Variants in TMEM131 observed in about 807,000 individuals in gnomAD.
TMEM131 encodes 2610524E03Rik.
TMEM131 carries 66 observed loss-of-function variants against 211.6 expected under a neutral mutation model. That is an observed-to-expected ratio of 0.31 (90% confidence interval 0.26 to 0.38). The LOEUF (loss-of-function observed/expected upper bound fraction) is 0.38. TMEM131 is among the 10% of genes least tolerant of loss of function. TMEM131 has a pLI of 1.00. For missense variants in TMEM131, 2,036 were observed against 2,299.3 expected, an observed-to-expected ratio of 0.89 and a Z score of 2.34; for synonymous variants, 844 against 841.3, an observed-to-expected ratio of 1.00 and a Z score of -0.06.
intron 40 of TMEM131, among the ~76,000 whole-genome samples, chr2:97,757,688 A>G (rs1559338140): frequency 6.6e-6 from 1 of 152,192 alleles, no homozygotes; most frequent in East Asian, 1.9e-4. Flanking sequence ...GGCACTAGCC[A>G]TCATGCCGGC....
At chr2:97,986,815 C>T (rs1041857990) in intron 1 of TMEM131, among the ~76,000 whole-genome samples, 3 of 152,202 alleles carry the variant, frequency 2.0e-5, no homozygotes, top group Admixed American at 6.5e-5. Context: ...GGTCCAATTT[C>T]GCCCAAAGGT....
chr2:97,814,559 T>A (rs1681726698), intron 13 of TMEM131, among the ~76,000 whole-genome samples, 171 bp from the exon 14 acceptor site: 1 of 152,202 alleles, frequency 6.6e-6, no homozygotes, highest in African/African-American at 2.4e-5. Context: ...AAACAAAATT[T>A]AGCTTGCAAA....
chr2:97,795,918 C>T (rs925899839), intron 28 of TMEM131, among the ~76,000 whole-genome samples: 2 of 152,240 alleles, frequency 1.3e-5, no homozygotes, highest in Admixed American at 6.5e-5. Flanking sequence ...TTTGCTTTAA[C>T]GTAACCCTGA....
At chr2:97,983,241 A>G (rs754898191) in intron 1 of TMEM131, among the ~76,000 whole-genome samples, 6 of 152,192 alleles carry the variant, frequency 3.9e-5, no homozygotes, top group Non-Finnish European at 5.9e-5. Context: ...GGTCTCAGAC[A>G]GTAACAGTAG....
chr2:97,814,516 C>T lies in TMEM131; in HGVS notation c.1293-128G>A, dbSNP rs570764602. ...TAGGGATTGTATTAAAGATTTAGAA[C>T]TATAATATTTTAGTGATTGACTATA... is the stretch of plus-strand genomic sequence containing the variant. On this transcript the variant is annotated intron_variant, in intron 13 of 40. Transcript: ENST00000186436. The T allele has an allele frequency of 7.3e-6, 7 of 960,756 alleles. No individual in the cohort carries two copies. In the African/African-American group the frequency reaches 1.2e-4, roughly 16 times the overall value. The allele number at this position is 960,756 out of a possible 1,614,324, so 59.5% of individuals were successfully genotyped here. A position where few individuals can be genotyped will look rare whatever the true frequency, so the allele number is the denominator to read the frequency against.
chr2:97,892,937 G>A (rs1416533768), intron 3 of TMEM131, among the ~76,000 whole-genome samples: 1 of 152,028 alleles, frequency 6.6e-6, no homozygotes, highest in Non-Finnish European at 1.5e-5. Flanking sequence ...TGGGGTACAT[G>A]TGCAGAACGT....
chr2:97,853,038 A>G (rs557908298), intron 5 of TMEM131, among the ~76,000 whole-genome samples: 1 of 152,224 alleles, frequency 6.6e-6, no homozygotes, highest in Non-Finnish European at 1.5e-5. Flanking sequence ...TTCTTTCCAA[A>G]TATTACTGCT....
chr2:97,884,335 C>A (rs185653490), intron 4 of TMEM131, among the ~76,000 whole-genome samples: 3 of 152,248 alleles, frequency 2.0e-5, no homozygotes, highest in Non-Finnish European at 4.4e-5. Context: ...CATTTTGTGT[C>A]CTAACATACG....
chr2:97,975,774 C>A (rs1679502729), intron 1 of TMEM131, among the ~76,000 whole-genome samples: 1 of 145,740 alleles, frequency 6.9e-6, no homozygotes, highest in Non-Finnish European at 1.5e-5. Context: ...TTTATGAGAC[C>A]AGCATTACTC....
intron 22 of TMEM131, 120 bp downstream of exon 22, chr2:97,804,968 A>T (rs1258583005): frequency 3.1e-6 from 2 of 647,558 alleles, no homozygotes; most frequent in Non-Finnish European, 4.9e-6. Context: ...TCTGAAAATT[A>T]GGCATTCTTT....
intron 1 of TMEM131, among the ~76,000 whole-genome samples, chr2:97,962,295 A>T (rs997044207): frequency 1.3e-5 from 2 of 152,192 alleles, no homozygotes; most frequent in Non-Finnish European, 2.9e-5. Flanking sequence ...CAAGGTCAGG[A>T]GATTGAGACC....
chr2:97,848,787 C>A (rs773938944), intron 5 of TMEM131, among the ~76,000 whole-genome samples: 3 of 151,896 alleles, frequency 2.0e-5, no homozygotes, highest in Non-Finnish European at 2.9e-5. Context: ...CAAAGCATGA[C>A]CCATAAAAGA....
At chr2:97,824,287 C>G (rs1682271263) in intron 11 of TMEM131, among the ~76,000 whole-genome samples, 1 of 152,216 alleles carries the variant, frequency 6.6e-6, no homozygotes, top group Non-Finnish European at 1.5e-5. Context: ...GTGCCCGGGG[C>G]AAGTGCCAGC....
At chr2:97,789,227 C>T (rs1409450511) in intron 31 of TMEM131, among the ~76,000 whole-genome samples, 9 of 152,232 alleles carry the variant, frequency 5.9e-5, no homozygotes, top group Admixed American at 2.0e-4. Context: ...GCTAACCACA[C>T]CTTCCACTGC....
chr2:97,773,482 T>G (rs1679564806), intron 32 of TMEM131, among the ~76,000 whole-genome samples: 1 of 152,104 alleles, frequency 6.6e-6, no homozygotes. Context: ...GGCGGCCACA[T>G]CCAAGACGCA....
intron 4 of TMEM131, among the ~76,000 whole-genome samples, chr2:97,871,248 G>T (rs1375947959): frequency 5.3e-5 from 8 of 152,218 alleles, no homozygotes; most frequent in Admixed American, 5.2e-4. Flanking sequence ...AACAGTAAGA[G>T]AAATCTGACA....
intron 3 of TMEM131, among the ~76,000 whole-genome samples, chr2:97,902,515 G>C (rs1323416430): frequency 6.6e-6 from 1 of 152,114 alleles, no homozygotes; most frequent in Admixed American, 6.6e-5. Flanking sequence ...ACAGATACAA[G>C]AATAGGAATA....
At chr2:97,885,527 T>G (rs928771699) in intron 4 of TMEM131, among the ~76,000 whole-genome samples, 3 of 152,220 alleles carry the variant, frequency 2.0e-5, no homozygotes, top group African/African-American at 7.2e-5. Flanking sequence ...TTCTGAAATG[T>G]AGCTTTGCAG....
intron 2 of TMEM131, among the ~76,000 whole-genome samples, chr2:97,913,914 T>G (rs1676396508): frequency 6.6e-6 from 1 of 152,288 alleles, no homozygotes; most frequent in East Asian, 1.9e-4. Context: ...CCAGTTTCCT[T>G]GCAGGCGATG....
Sources: allele counts gnomAD v4.1 joint callset (sites outside exome capture counted in the v4.1 genomes callset), GRCh38; gene constraint gnomAD v4.1.1; transcripts MANE v1.5; gene names NCBI Gene and HGNC (gene_info 2026-07-23, HGNC 2026-07-21).